Variants in NME6 observed in about 807,000 individuals in gnomAD.
NME6 encodes the protein NME/NM23 nucleoside diphosphate kinase 6.
A neutral mutation model predicts 22.2 loss-of-function variants in NME6; 16 were observed. That is an observed-to-expected ratio of 0.72 (90% CI 0.49 to 1.09). The LOEUF (loss-of-function observed/expected upper bound fraction) is 1.09, where lower values mean the gene tolerates loss of function less well. Ranked by LOEUF, NME6 falls within the 50% of genes least tolerant of loss-of-function variation. The pLI is 0.00. For missense variants in NME6, 229 were observed against 239.0 expected (o/e 0.96, Z 0.28); for synonymous variants, 58 against 85.2 (o/e 0.68, Z 1.76).
At chr3:48,298,752 T>C (rs1483346519) in intron 1 of NME6, among the ~76,000 whole-genome samples, 3 of 152,218 alleles carry the variant, frequency 2.0e-5, no homozygotes, top group African/African-American at 7.2e-5. Flanking sequence ...CCGTGGAGTA[T>C]ACAATCTAGT....
rs2034610726 is a variant in NME6, at chr3:48,292,587, G to T, written c.*2050C>A. On this transcript the variant is annotated 3_prime_UTR_variant, in exon 6 of 6. Transcript: ENST00000442597. Reference sequence around the variant, plus strand: ...TTTCTTGAGATGGAGTTTCACTCTTGTTGCCCAGGCTGGAGTGCAACGGCG... The same window carrying T: ...TTTCTTGAGATGGAGTTTCACTCTTTTTGCCCAGGCTGGAGTGCAACGGCG... 6.6e-6 allele frequency: 1 copy of T among 151,756 alleles called. No homozygotes were observed. Among genetic ancestry groups the T allele is most frequent in the Admixed American group, 6.6e-5 (1 of 15,234 alleles). The allele number at this position is 151,756 out of a possible 1,614,324, so 9.4% of individuals were successfully genotyped here.
At chr3:48,299,035 T>A (rs2035428476) in intron 1 of NME6, 1 of 702,118 alleles carries the variant, frequency 1.4e-6, no homozygotes, top group Non-Finnish European at 2.6e-6. Flanking sequence ...GTCTGCTGGA[T>A]AAACACCATC....
chr3:48,296,380 G>A (rs371941787), intron 3 of NME6: 77 of 644,004 alleles, frequency 1.2e-4, no homozygotes, highest in East Asian at 1.1e-3. Context: ...CCTAATCTGC[G>A]TACGAGGGAT....
downstream of NME6, chr3:48,291,392 T>G (rs2034452186): frequency 7.3e-6 from 3 of 410,752 alleles, no homozygotes; most frequent in Non-Finnish European, 1.4e-5. Flanking sequence ...GTCATACTCT[T>G]ATTTTTTTAA....
chr3:48,288,735 G>A (rs2034285203), downstream of NME6: 1 of 152,084 alleles, frequency 6.6e-6, no homozygotes, highest in Non-Finnish European at 1.5e-5. Context: ...TACAATGGTG[G>A]TACATGTTAT....
intron 2 of NME6, 103 bp downstream of exon 2, chr3:48,298,324 T>A: frequency 9.8e-7 from 1 of 1,017,208 alleles, no homozygotes; most frequent in Non-Finnish European, 1.5e-6. Context: ...CTCCACAGCA[T>A]CCAGCACAAG....
At chr3:48,289,316 A>G (rs754680388), downstream of NME6, among the ~76,000 whole-genome samples, 10 of 152,100 alleles carry the variant, frequency 6.6e-5, no homozygotes, top group Non-Finnish European at 1.0e-4. Context: ...TGCCCTGCCC[A>G]CCTCGGCCTC....
chr3:48,300,621 C>A, intron 1 of NME6: 1 of 286,228 alleles, frequency 3.5e-6, no homozygotes, highest in Non-Finnish European at 6.9e-6. Flanking sequence ...GTTCTCGTGG[C>A]AAGAACACGC....
chr3:48,288,973 CTGAAGAGTG>C, downstream of NME6, among the ~76,000 whole-genome samples: 1 of 152,244 alleles, frequency 6.6e-6, no homozygotes. Flanking sequence ...AGAGAGGACA[CTGAAGAGTG>C]CTGTGGGGGA....
At chr3:48,298,614 T>C (rs1328645538) in intron 1 of NME6, 91 bp from the exon 2 acceptor site, 1 of 820,926 alleles carries the variant, frequency 1.2e-6, no homozygotes, top group Non-Finnish European at 1.9e-6. Flanking sequence ...AGCCAACGAG[T>C]GCTCTCACTC....
chr3:48,296,060 T>C (rs1457221672), intron 4 of NME6, 59 bp downstream of exon 4: 1 of 1,136,778 alleles, frequency 8.8e-7, no homozygotes, highest in African/African-American at 1.5e-5. Flanking sequence ...ACAAATCCAT[T>C]TAGGGGCAGG....
chr3:48,293,873 G>C lies in NME6; in HGVS notation c.*764C>G, dbSNP rs1440619861. ...CACACAGAAGGAGAAAACCAAGGGT[G>C]TGGGATCAGAAAATCCAAGAGAAGA... On this transcript the variant is annotated 3_prime_UTR_variant, in exon 6 of 6. Transcript: ENST00000442597. 1 of 152,242 alleles carries C rather than the reference G, an allele frequency of 6.6e-6. No individual in the cohort carries two copies. The highest frequency in any genetic ancestry group is 2.1e-4 in the South Asian group (1 of 4,828). 9.4% of individuals were successfully genotyped at this position (152,242 alleles called of 1,614,324 possible). A position where few individuals can be genotyped will look rare whatever the true frequency, so the allele number is the denominator to read the frequency against.
downstream of NME6, chr3:48,290,943 T>C (rs2034409275): frequency 3.8e-6 from 1 of 263,778 alleles, no homozygotes; most frequent in South Asian, 4.8e-5. Context: ...AGTAACTCTC[T>C]GTGCTAAGCA....
downstream of NME6, among the ~76,000 whole-genome samples, chr3:48,289,403 G>A (rs1352656954): frequency 6.6e-6 from 1 of 152,148 alleles, no homozygotes; most frequent in African/African-American, 2.4e-5. Context: ...GTGTGGAAAG[G>A]TGGATTGAGG....
Position 48,298,864 on chromosome 3 carries a change from C to G in NME6, c.-7-341G>C, listed in dbSNP as rs573921678. ...CTTCCTAACTTCCTTTTGTATTTTA[C>G]AGAGGATTTACAATTTATACTCCTA... is the stretch of plus-strand genomic sequence containing the variant. On this transcript the variant is annotated intron_variant, in intron 1 of 5. Transcript: ENST00000442597. 8.1e-5 allele frequency: 54 copies of G among 663,766 alleles called. No homozygotes were observed. The African/African-American group carries it at 8.6e-4, about 11-fold the overall frequency. The allele number at this position is 663,766 out of a possible 1,614,324, so 41.1% of individuals were successfully genotyped here. A position where few individuals can be genotyped will look rare whatever the true frequency, so the allele number is the denominator to read the frequency against.
rs760401625 is a variant in NME6, at chr3:48,294,815, G to A, written c.395-12C>T. On this transcript the variant is annotated splice_polypyrimidine_tract_variant and intron_variant, in intron 5 of 5. Coordinates refer to ENST00000442597, the MANE Select transcript of NME6 (RefSeq NM_001308426.2). ...TGAAACCACAGAGTCTGTAAGGGGA[G>A]ATAAGACAGAGAAGGGGTTCTCACA... is the stretch of plus-strand genomic sequence containing the variant. The A allele has an allele frequency of 1.2e-6, 2 of 1,611,084 alleles. 1 individual carries two copies. Among genetic ancestry groups the A allele is most frequent in the South Asian group, 2.2e-5 (2 of 91,008 alleles).
downstream of NME6, among the ~76,000 whole-genome samples, chr3:48,290,295 ATTATT>A (rs929804696): frequency 1.3e-5 from 2 of 152,040 alleles, no homozygotes; most frequent in African/African-American, 4.8e-5. Flanking sequence ...GATGTAAAAA[ATTATT>A]TTATTTTTCT....
In NME6 at chr3:48,293,486, T is replaced by G. The variant is rs954308450; in HGVS notation, c.*1151A>C. The G allele has an allele frequency of 2.0e-5, 3 of 152,224 alleles. No individual in the cohort carries two copies. Among genetic ancestry groups the G allele is most frequent in the Non-Finnish European group, 2.9e-5 (2 of 68,052 alleles). The allele number at this position is 152,224 out of a possible 1,614,324, so 9.4% of individuals were successfully genotyped here. A position where few individuals can be genotyped will look rare whatever the true frequency, so the allele number is the denominator to read the frequency against. On this transcript the variant is annotated 3_prime_UTR_variant, in exon 6 of 6. Transcript: ENST00000442597. ...CACACATACAAAACTGACCCATATA[T>G]TCCTGAAAATGAACAGACTGTCTAG...
rs1431870046 is a variant in NME6, at chr3:48,301,236, T to A, written c.-8+117A>T. 12 of 1,547,140 alleles carry A rather than the reference T, an allele frequency of 7.8e-6. No homozygotes were observed. In the South Asian group the frequency reaches 1.3e-4, roughly 17 times the overall value. On this transcript the variant is annotated intron_variant, in intron 1 of 5. Transcript: ENST00000442597. ...GGCCTCAACTCTCGACCCAGCCCCC[T>A]ACTTCTCTAGGCCTGCAACCGCGCA...
Sources: gnomAD v4.1 joint callset for allele counts (sites outside exome capture counted in the v4.1 genomes callset) on GRCh38, gnomAD v4.1.1 for gene constraint, MANE v1.5 for transcripts, NCBI Gene and HGNC (gene_info 2026-07-23, HGNC 2026-07-21) for gene names.